NOC3L: variants seen among roughly 807,000 people sequenced by gnomAD.
NOC3L encodes nucleolar complex protein 3 homolog.
A neutral mutation model predicts 102.5 loss-of-function variants in NOC3L; 85 were observed. That is an observed-to-expected ratio of 0.83 (90% CI 0.70 to 0.99). The LOEUF (loss-of-function observed/expected upper bound fraction) is 0.99, where lower values mean the gene tolerates loss of function less well. NOC3L is among the 50% of genes least tolerant of loss of function. The pLI, the probability that NOC3L is intolerant of heterozygous loss-of-function variation, is 0.00. For synonymous variants in NOC3L, 303 were observed against 309.4 expected (o/e 0.98, Z 0.22); for missense variants, 878 against 914.9 (o/e 0.96, Z 0.52).
chr10:94,327,276 AAAG>A, the NOC3L span, among the ~76,000 whole-genome samples: 3 of 152,016 alleles, frequency 2.0e-5, no homozygotes, highest in Admixed American at 6.5e-5. Context: ...TTGTAAAAGA[AAAG>A]AAGAGCTCAT....
chr10:94,317,596 G>A, the NOC3L span, among the ~76,000 whole-genome samples: 1 of 152,034 alleles, frequency 6.6e-6, no homozygotes, highest in Non-Finnish European at 1.5e-5. Context: ...ATAATATCTT[G>A]GCCTGAGTCA....
In NOC3L at chr10:94,362,920, G is replaced by T; in HGVS notation, c.-82C>A. 1 of 1,607,888 alleles carries T rather than the reference G, an allele frequency of 6.2e-7. No homozygotes were observed. The highest frequency in any genetic ancestry group is 8.5e-7 in the Non-Finnish European group (1 of 1,174,876). ...AGAAATCCCGGGGAATGACACACGT[G>T]CCGAAGTCCCTACACTACCAGAGCC... On this transcript the variant is annotated 5_prime_UTR_variant, in exon 1 of 21. Coordinates refer to ENST00000371361, the MANE Select transcript of NOC3L (RefSeq NM_022451.11).
chr10:94,315,531 G>C, the NOC3L span: 1 of 455,784 alleles, frequency 2.2e-6, no homozygotes, highest in Non-Finnish European at 4.4e-6. Context: ...CACTTTGGGA[G>C]GCCGAGGCGG....
downstream of NOC3L, chr10:94,332,117 C>G (rs1349408137): frequency 1.3e-5 from 2 of 152,270 alleles, no homozygotes; most frequent in African/African-American, 4.8e-5. Flanking sequence ...GATCCACCCG[C>G]CTCAGCCTCC....
chr10:94,331,869 CTT>C (rs36054579), downstream of NOC3L: 32,681 of 119,174 alleles, frequency 0.27, 3,374 homozygotes, highest in Middle Eastern at 0.42. Context: ...CCAAGTTATT[CTT>C]TTTTTTTTTT....
rs2054332143 is a variant in NOC3L at position 94,345,450 on chromosome 10, T to C, written c.1390-517A>G. The stretch of plus-strand genomic sequence containing the variant: ...TATAAAGAAATTCAATAAAATATCC[T>C]TTTTTTTCTACTACCTAATGCTGTA... On this transcript the variant is annotated intron_variant, in intron 11 of 20. Coordinates refer to ENST00000371361, the MANE Select transcript of NOC3L (RefSeq NM_022451.11). Among the ~76,000 whole-genome samples the C allele has an allele frequency of 2.6e-5, 4 of 151,962 alleles. No individual in the cohort carries two copies. In the South Asian group the frequency reaches 6.2e-4, roughly 24 times the overall value.
At chr10:94,330,157 C>T (rs1759791948), downstream of NOC3L, 4 of 134,034 alleles carry the variant, frequency 3.0e-5, no homozygotes, top group South Asian at 9.3e-4. Context: ...ACATTTGATT[C>T]TGATGCTAAG....
intron 2 of NOC3L, among the ~76,000 whole-genome samples, chr10:94,359,673 T>A (rs2054530728): frequency 6.6e-6 from 1 of 151,900 alleles, no homozygotes; most frequent in African/African-American, 2.4e-5. Context: ...GAAATGTAAA[T>A]CAAAATTACA....
At position 94,344,507 on chromosome 10, in the gene NOC3L, C is replaced by A. The variant is rs947597612; in HGVS notation, c.1479G>T (p.Glu493Asp). The change falls in exon 13 of 21, where the codon GAG becomes GAT. Residue 493 changes from glutamate (E) to aspartate (D), a missense_variant. Glu to Asp is a conservative substitution (Grantham distance 45). Coordinates refer to ENST00000371361, the MANE Select transcript of NOC3L (RefSeq NM_022451.11). ...STEKKLKLHT[E>D]TLNIVFVTYF... ...AGGTTACAAACACAATATTCAGAGT[C>A]TCTGTGTGCTGGCAGAGGAGACAGA... 1 of 1,611,128 alleles carries A rather than the reference C, an allele frequency of 6.2e-7. No individual in the cohort carries two copies. Among genetic ancestry groups the A allele is most frequent in the Non-Finnish European group, 8.5e-7 (1 of 1,177,522 alleles).
chr10:94,322,101 A>G, the NOC3L span: 2 of 1,584,068 alleles, frequency 1.3e-6, no homozygotes, highest in African/African-American at 1.3e-5. Context: ...TTTCCTCAGC[A>G]TAAATTATTG....
chr10:94,356,441 T>G (rs575331942), intron 5 of NOC3L, 94 bp downstream of exon 5: 1 of 786,930 alleles, frequency 1.3e-6, no homozygotes, highest in South Asian at 1.5e-5. Context: ...TACTCCAAAA[T>G]GTACCTTCCA....
At chr10:94,354,252 T>C (rs777551771) in intron 6 of NOC3L, among the ~76,000 whole-genome samples, 1 of 152,246 alleles carries the variant, frequency 6.6e-6, no homozygotes, top group Non-Finnish European at 1.5e-5. Context: ...AAATACTTGT[T>C]ATAATAGTAT....
chr10:94,352,212 T>C, intron 8 of NOC3L, 98 bp downstream of exon 8: 3 of 749,928 alleles, frequency 4.0e-6, no homozygotes, highest in Non-Finnish European at 6.4e-6. Context: ...TTCCTGACCA[T>C]ACCTGCCTCT....
At chr10:94,340,847 G>C (rs573072089) in intron 14 of NOC3L, among the ~76,000 whole-genome samples, 17 of 152,118 alleles carry the variant, frequency 1.1e-4, no homozygotes, top group East Asian at 3.9e-4. Context: ...CGGGCATGGT[G>C]GTGGGCGCCT....
At chr10:94,316,401 T>C in the NOC3L span, 9 of 640,272 alleles carry the variant, frequency 1.4e-5, no homozygotes, top group East Asian at 5.7e-5. Flanking sequence ...CATAAGAGAA[T>C]TCTTAGATCT....
intron 17 of NOC3L, among the ~76,000 whole-genome samples, chr10:94,339,175 T>C (rs2133985735): frequency 6.6e-6 from 1 of 152,336 alleles, no homozygotes; most frequent in African/African-American, 2.4e-5. Flanking sequence ...GCACTGCTAC[T>C]CAAGCCAAGA....
At position 94,357,306 on chromosome 10, in the gene NOC3L, T is replaced by G. The variant is rs759623300; in HGVS notation, c.376A>C (p.Lys126Gln). The change falls in exon 4 of 21, where the codon AAG becomes CAG. Residue 126 changes from lysine to glutamine, a missense_variant. Lys to Gln is a moderately conservative substitution (Grantham distance 53). Coordinates refer to ENST00000371361, the MANE Select transcript of NOC3L (RefSeq NM_022451.11). ...SSEPVHAKKR[K>Q]HERIIDKYEK... ...TATTTATCTATAATGCGTTCATGCT[T>G]CCGTTTCTTCGCATGAACAGGCTCA... The G allele has an allele frequency of 6.2e-7, 1 of 1,600,488 alleles. No homozygotes were observed. Among genetic ancestry groups the G allele is most frequent in the Non-Finnish European group, 8.5e-7 (1 of 1,174,030 alleles).
At chr10:94,321,663 G>A in the NOC3L span, among the ~76,000 whole-genome samples, 101 of 150,336 alleles carry the variant, frequency 6.7e-4, no homozygotes, top group Admixed American at 1.7e-3. Flanking sequence ...GCTAATAGGA[G>A]CAGATAAATT....
chr10:94,322,630 C>T, the NOC3L span, among the ~76,000 whole-genome samples: 3 of 151,812 alleles, frequency 2.0e-5, no homozygotes, highest in Non-Finnish European at 4.4e-5. Flanking sequence ...ACTAAAAATA[C>T]AAAAATTAGC....
Sources: allele counts gnomAD v4.1 joint callset (sites outside exome capture counted in the v4.1 genomes callset), GRCh38; gene constraint gnomAD v4.1.1; transcripts MANE v1.5; gene names NCBI Gene and HGNC (gene_info 2026-07-23, HGNC 2026-07-21).